SLIT3: variants seen among roughly 807,000 people sequenced by gnomAD.
SLIT3 encodes the protein slit homolog 3 protein.
In SLIT3, 68 loss-of-function variants were observed where a neutral mutation model predicts 184.0. That is an observed-to-expected ratio of 0.37 (90% CI 0.30 to 0.45). SLIT3 has a LOEUF of 0.45. Ranked by LOEUF, SLIT3 falls within the 20% of genes least tolerant of loss-of-function variation. The pLI is 1.00. For missense variants in SLIT3, 1,707 were observed against 2,026.0 expected, an observed-to-expected ratio of 0.84 and a Z score of 3.02; for synonymous variants, 831 against 828.6, an observed-to-expected ratio of 1.00 and a Z score of -0.05.
intron 14 of SLIT3, among the ~76,000 whole-genome samples, chr5:168,765,565 T>G (rs557762238): frequency 2.0e-4 from 31 of 152,172 alleles, no homozygotes; most frequent in Non-Finnish European, 3.5e-4. Flanking sequence ...TACTCAGGGT[T>G]TCTCAGAGCC....
At chr5:169,113,037 A>G (rs1561672895) in intron 4 of SLIT3, among the ~76,000 whole-genome samples, 1 of 152,084 alleles carries the variant, frequency 6.6e-6, no homozygotes, top group Non-Finnish European at 1.5e-5. Context: ...CCTCTTTTAA[A>G]ATTATTTTTC....
intron 14 of SLIT3, among the ~76,000 whole-genome samples, chr5:168,764,056 C>T (rs1341165414): frequency 5.3e-5 from 8 of 152,240 alleles, no homozygotes; most frequent in Admixed American, 4.6e-4. Context: ...CTCAGTCTCT[C>T]TCCATGTAAA....
chr5:168,873,202 C>T (rs1196853734), intron 5 of SLIT3, among the ~76,000 whole-genome samples: 1 of 152,160 alleles, frequency 6.6e-6, no homozygotes, highest in Non-Finnish European at 1.5e-5. Context: ...CCGCTGTAGC[C>T]TTGCCATGAC....
chr5:168,828,664 A>AAAAAAAG (rs1368195947), intron 6 of SLIT3, among the ~76,000 whole-genome samples: 1 of 150,480 alleles, frequency 6.6e-6, no homozygotes, highest in Non-Finnish European at 1.5e-5. Context: ...GACTCAAAAA[A>AAAAAAAG]AAAAAAGAAA....
chr5:168,698,906 G>A (rs1169190320), intron 27 of SLIT3, among the ~76,000 whole-genome samples: 1 of 152,208 alleles, frequency 6.6e-6, no homozygotes, highest in Non-Finnish European at 1.5e-5. Flanking sequence ...AACAACTTAA[G>A]ATGGAAATGA....
chr5:168,843,629 C>T (rs1314531070), intron 6 of SLIT3, among the ~76,000 whole-genome samples: 2 of 152,148 alleles, frequency 1.3e-5, no homozygotes, highest in Non-Finnish European at 2.9e-5. Flanking sequence ...CAAGGTCACA[C>T]GACTAATCAG....
At chr5:168,768,243 G>A (rs1171328872) in intron 14 of SLIT3, 2 of 511,420 alleles carry the variant, frequency 3.9e-6, no homozygotes, top group African/African-American at 1.9e-5. Context: ...GGAAAGCCCC[G>A]CAGCGACTGG....
At chr5:169,252,799 CT>C (rs1765820273) in intron 1 of SLIT3, among the ~76,000 whole-genome samples, 1 of 152,132 alleles carries the variant, frequency 6.6e-6, no homozygotes, top group African/African-American at 2.4e-5. Flanking sequence ...ATTATGCCTC[CT>C]TTATACAGTT....
rs570494514 is a variant in SLIT3, at chr5:168,878,580, T to C, written c.485+4685A>G. On this transcript the variant is annotated intron_variant, in intron 5 of 35. Transcript: ENST00000519560. ...GTGTCCATGGCGAAAGTCCAAAAGA[T>C]GGTTGGGTGTGTTACTGATGGATGG... is the stretch of plus-strand genomic sequence containing the variant. Among the ~76,000 whole-genome samples, 442 of 152,304 alleles carry C rather than the reference T, an allele frequency of 2.9e-3. 3 individuals are homozygous for C. Among genetic ancestry groups the C allele is most frequent in the African/African-American group, 0.01 (425 of 41,570 alleles).
chr5:169,244,950 G>T (rs1412401273), intron 2 of SLIT3, among the ~76,000 whole-genome samples, 174 bp from the exon 3 acceptor site: 1 of 152,206 alleles, frequency 6.6e-6, no homozygotes, highest in Non-Finnish European at 1.5e-5. Context: ...TGGTGTCACG[G>T]TAACCAGGGT....
chr5:169,061,547 G>C (rs546348693), intron 4 of SLIT3, among the ~76,000 whole-genome samples: 1 of 152,352 alleles, frequency 6.6e-6, no homozygotes, highest in Admixed American at 6.5e-5. Flanking sequence ...GACTGGTGGA[G>C]AGACACATCT....
intron 4 of SLIT3, among the ~76,000 whole-genome samples, chr5:169,077,707 C>A (rs1017854068): frequency 3.9e-5 from 6 of 151,914 alleles, no homozygotes; most frequent in Admixed American, 2.0e-4. Flanking sequence ...GGGTCACCAC[C>A]CCAAACCCCT....
At chr5:169,246,409 T>G (rs1248937319) in intron 2 of SLIT3, among the ~76,000 whole-genome samples, 1 of 152,168 alleles carries the variant, frequency 6.6e-6, no homozygotes. Context: ...GCCTTCTAAC[T>G]CCCAGTCTGG....
intron 4 of SLIT3, among the ~76,000 whole-genome samples, chr5:169,015,771 A>C (rs75696854): frequency 0.2 from 30,069 of 151,758 alleles, 3,412 homozygotes; most frequent in East Asian, 0.54. Flanking sequence ...CACAGCAAAA[A>C]CAAAAACCAA....
chr5:169,246,555 A>C, intron 2 of SLIT3, among the ~76,000 whole-genome samples: 1 of 152,232 alleles, frequency 6.6e-6, no homozygotes, highest in East Asian at 1.9e-4. Flanking sequence ...ACACTGCAAA[A>C]GTTCTTACGA....
chr5:168,800,592 A>AAAG (rs1756732172), intron 9 of SLIT3, among the ~76,000 whole-genome samples: 8 of 146,232 alleles, frequency 5.5e-5, no homozygotes, highest in East Asian at 4.1e-4. Context: ...TGTCTCAAAA[A>AAAG]AAAGAAAGAA....
intron 4 of SLIT3, among the ~76,000 whole-genome samples, chr5:168,884,549 G>GATATATATATAT (rs58407375): frequency 0.061 from 2,491 of 40,970 alleles, 467 homozygotes; most frequent in African/African-American, 0.076. Context: ...CCAATTACGA[G>GATATATATATAT]ATATATATAT....
In SLIT3 at chr5:168,713,353, G is replaced by T. The variant is rs577051011; in HGVS notation, c.2484-999C>A. On this transcript the variant is annotated intron_variant, in intron 23 of 35. Coordinates refer to ENST00000519560, the MANE Select transcript of SLIT3 (RefSeq NM_003062.4). ...CTAAGCCTTCCACAAATGCCTGGAGGATAGGTGCATGAAAAACCTCAATGA... is the reference window on the plus strand; with the variant it reads ...CTAAGCCTTCCACAAATGCCTGGAGTATAGGTGCATGAAAAACCTCAATGA... 3.2e-4 allele frequency among the ~76,000 whole-genome samples: 49 copies of T among 152,328 alleles called. 1 individual carries two copies. The South Asian group carries it at 9.1e-3, about 28-fold the overall frequency.
chr5:168,890,588 C>G (rs1177805850), intron 4 of SLIT3, among the ~76,000 whole-genome samples: 1 of 151,990 alleles, frequency 6.6e-6, no homozygotes, highest in Non-Finnish European at 1.5e-5. Flanking sequence ...TGTTTTCTTT[C>G]ATTTATGTCT....
Sources: gnomAD v4.1 joint callset for allele counts (sites outside exome capture counted in the v4.1 genomes callset) on GRCh38, gnomAD v4.1.1 for gene constraint, MANE v1.5 for transcripts, NCBI Gene and HGNC (gene_info 2026-07-23, HGNC 2026-07-21) for gene names.